The following NELL2 variants were observed in gnomAD, a reference collection of about 807,000 sequenced individuals.
NELL2 encodes neural EGFL like 2, also known as protein kinase C-binding protein NELL2.
A neutral mutation model predicts 109.6 loss-of-function variants in NELL2; 41 were observed. That is an observed-to-expected ratio of 0.37 (90% CI 0.29 to 0.49). NELL2 has a LOEUF of 0.49. NELL2 is among the 20% of genes least tolerant of loss of function. NELL2 has a pLI of 0.98. For synonymous variants in NELL2, 355 were observed against 344.7 expected (o/e 1.03, Z -0.33); for missense variants, 900 against 1,008.3 (o/e 0.89, Z 1.45).
intron 3 of NELL2, among the ~76,000 whole-genome samples, chr12:44,784,337 A>G (rs1314530299): frequency 6.6e-6 from 1 of 152,058 alleles, no homozygotes; most frequent in Non-Finnish European, 1.5e-5. Context: ...AAGAAAAGAA[A>G]AAGGAAAAGG....
intron 13 of NELL2, among the ~76,000 whole-genome samples, chr12:44,635,593 C>G (rs979546395): frequency 4.1e-4 from 63 of 152,062 alleles, no homozygotes; most frequent in African/African-American, 1.5e-3. Context: ...CAGATGGTTG[C>G]AGATGTGTGG....
chr12:44,898,462 C>A (rs973692444), intron 1 of NELL2, among the ~76,000 whole-genome samples: 14 of 152,170 alleles, frequency 9.2e-5, no homozygotes, highest in African/African-American at 3.1e-4. Context: ...CCCAGGCAAA[C>A]AGGATCTGGA....
chr12:44,815,970 C>CTT lies in NELL2; in HGVS notation c.335+15_335+16insAA, dbSNP rs756315916. Reference sequence around the variant, plus strand: ...CATATAATGAAAACACAGGAAACTCCAGCAACCACATTTACCTGTGATCCA... The same window carrying CTT: ...CATATAATGAAAACACAGGAAACTCCTTAGCAACCACATTTACCTGTGATCCA... On this transcript the variant is annotated intron_variant, in intron 3 of 19. Transcript: ENST00000429094. 1.7e-5 allele frequency: 28 copies of CTT among 1,601,022 alleles called. No homozygotes were observed. In the South Asian group the frequency reaches 2.1e-4, roughly 12 times the overall value.
intron 16 of NELL2, among the ~76,000 whole-genome samples, chr12:44,524,240 G>A (rs540746316): frequency 5.3e-5 from 8 of 152,242 alleles, no homozygotes; most frequent in African/African-American, 7.2e-5. Context: ...AGCCTAAAGC[G>A]TTTTCATACA....
chr12:44,641,244 G>A (rs1308987758), intron 13 of NELL2, among the ~76,000 whole-genome samples: 5 of 152,156 alleles, frequency 3.3e-5, no homozygotes, highest in Non-Finnish European at 7.4e-5. Flanking sequence ...ACAATGCAAA[G>A]GGGATCTAAT....
chr12:44,899,067 G>GA (rs548712073), intron 1 of NELL2, among the ~76,000 whole-genome samples: 7,944 of 146,440 alleles, frequency 0.054, 347 homozygotes, highest in East Asian at 0.17. Context: ...AAAAAAGAAT[G>GA]AAAAAAAAAC....
chr12:44,635,268 C>A (rs1281927761), intron 13 of NELL2, among the ~76,000 whole-genome samples: 1 of 152,136 alleles, frequency 6.6e-6, no homozygotes, highest in Non-Finnish European at 1.5e-5. Context: ...TTTTGCTGTG[C>A]AGAAGCTCTT....
At chr12:44,585,396 G>A (rs2136216626) in intron 15 of NELL2, among the ~76,000 whole-genome samples, 1 of 152,220 alleles carries the variant, frequency 6.6e-6, no homozygotes, top group Non-Finnish European at 1.5e-5. Flanking sequence ...GAGGTCAGGA[G>A]TTCGAGACCA....
chr12:44,754,072 G>A (rs1475207009), intron 9 of NELL2, among the ~76,000 whole-genome samples: 1 of 152,138 alleles, frequency 6.6e-6, no homozygotes, highest in African/African-American at 2.4e-5. Flanking sequence ...GGTATCAAGT[G>A]AAGAATTAAG....
At position 44,532,741 on chromosome 12, in the gene NELL2, T is replaced by C; in HGVS notation, c.1664-20A>G. 6.3e-7 allele frequency: 1 copy of C among 1,594,600 alleles called. No individual in the cohort carries two copies. The highest frequency in any genetic ancestry group is 8.5e-7 in the Non-Finnish European group (1 of 1,170,548). On this transcript the variant is annotated intron_variant, in intron 15 of 19. Transcript: ENST00000429094. ...CAATGTCTGGCAAAAAAAGAGGGAT[T>C]TTATAAAATTATTTATCTTCTTTGA...
chr12:44,833,202 G>T (rs1236370610), intron 2 of NELL2, among the ~76,000 whole-genome samples: 1 of 152,126 alleles, frequency 6.6e-6, no homozygotes, highest in Non-Finnish European at 1.5e-5. Flanking sequence ...CAAAACCTGG[G>T]TGTTCTACAA....
chr12:44,597,285 T>G (rs1404617858), intron 15 of NELL2, among the ~76,000 whole-genome samples: 1 of 152,196 alleles, frequency 6.6e-6, no homozygotes, highest in Non-Finnish European at 1.5e-5. Context: ...TAAAAAAATA[T>G]TCCTGATGAA....
intron 15 of NELL2, among the ~76,000 whole-genome samples, chr12:44,547,184 G>A (rs191023773): frequency 1.3e-5 from 2 of 152,272 alleles, no homozygotes; most frequent in Admixed American, 6.5e-5. Flanking sequence ...GGCTTGGTAC[G>A]AAGTCTGTCC....
upstream of NELL2, among the ~76,000 whole-genome samples, chr12:44,878,096 T>C (rs916317128): frequency 6.6e-6 from 1 of 152,182 alleles, no homozygotes; most frequent in Non-Finnish European, 1.5e-5. Flanking sequence ...TATTTCCACA[T>C]AAAAGTCCTC....
intron 13 of NELL2, among the ~76,000 whole-genome samples, chr12:44,632,745 T>G (rs1462097443): frequency 6.6e-6 from 1 of 152,134 alleles, no homozygotes; most frequent in Non-Finnish European, 1.5e-5. Flanking sequence ...AAAACCTTTG[T>G]ACATTCTTCT....
chr12:44,804,959 G>A (rs1214462968), intron 3 of NELL2, among the ~76,000 whole-genome samples: 1 of 151,812 alleles, frequency 6.6e-6, no homozygotes, highest in Non-Finnish European at 1.5e-5. Flanking sequence ...CATTTTTCTA[G>A]TAATACGTCA....
intron 9 of NELL2, among the ~76,000 whole-genome samples, chr12:44,773,003 T>G (rs1449020195): frequency 6.6e-6 from 1 of 152,228 alleles, no homozygotes; most frequent in Non-Finnish European, 1.5e-5. Context: ...AGTCTGCAGT[T>G]TACTCTTGGT....
At chr12:44,519,176 T>C (rs1329480974) in intron 19 of NELL2, among the ~76,000 whole-genome samples, 1 of 152,224 alleles carries the variant, frequency 6.6e-6, no homozygotes, top group Non-Finnish European at 1.5e-5. Context: ...TATGTTATGC[T>C]GAGAAAAATC....
At chr12:44,785,202 T>C (rs943529710) in intron 3 of NELL2, among the ~76,000 whole-genome samples, 5 of 152,204 alleles carry the variant, frequency 3.3e-5, no homozygotes, top group Non-Finnish European at 5.9e-5. Context: ...ACAAAATCAA[T>C]GTGCAAAGAT....
Sources: gnomAD v4.1 joint callset for allele counts (sites outside exome capture counted in the v4.1 genomes callset) on GRCh38, gnomAD v4.1.1 for gene constraint, MANE v1.5 for transcripts, NCBI Gene and HGNC (gene_info 2026-07-23, HGNC 2026-07-21) for gene names.